Variants in PLCL2 observed in about 807,000 individuals in gnomAD.
The protein encoded by PLCL2 is inactive phospholipase C-like protein 2.
A neutral mutation model predicts 79.6 loss-of-function variants in PLCL2; 4 were observed. The observed-to-expected ratio is 0.05, with a 90% CI of 0.02 to 0.11. PLCL2 has a LOEUF of 0.11. Among genes scored for constraint, PLCL2 ranks in the 10% least tolerant of loss-of-function variants. The pLI, the probability that PLCL2 is intolerant of heterozygous loss-of-function variation, is 1.00. For missense variants in PLCL2, 895 were observed against 1,291.0 expected (o/e 0.69, Z 4.70); for synonymous variants, 484 against 457.7 (o/e 1.06, Z -0.73).
intron 1 of PLCL2, among the ~76,000 whole-genome samples, chr3:16,955,131 G>A (rs13080782): frequency 0.55 from 83,230 of 152,082 alleles, 22,910 homozygotes; most frequent in South Asian, 0.62. Flanking sequence ...TAATGCCTAG[G>A]TTTTCTTCTA....
intron 3 of PLCL2, among the ~76,000 whole-genome samples, chr3:17,034,148 G>T (rs1036128648): frequency 3.9e-5 from 6 of 152,130 alleles, no homozygotes; most frequent in African/African-American, 1.4e-4. Flanking sequence ...GTTTCCTCCA[G>T]GTACACCAGG....
chr3:16,994,950 T>C (rs3924135), intron 1 of PLCL2, among the ~76,000 whole-genome samples: 1,644 of 152,330 alleles, frequency 0.011, 30 homozygotes, highest in Admixed American at 0.046. Context: ...AGAGCTGAGA[T>C]TGGAGAATCT....
intron 1 of PLCL2, among the ~76,000 whole-genome samples, chr3:16,927,256 A>G (rs929513969): frequency 2.6e-5 from 4 of 152,146 alleles, no homozygotes; most frequent in African/African-American, 9.7e-5. Context: ...TTTCTCTTTA[A>G]TTTTTTAATA....
At chr3:17,086,766 A>T (rs186061559) in intron 5 of PLCL2, among the ~76,000 whole-genome samples, 59 of 152,270 alleles carry the variant, frequency 3.9e-4, no homozygotes, top group Non-Finnish European at 7.6e-4. Context: ...AACTGGGCAA[A>T]AGTCTGAGCA....
chr3:16,929,420 A>T (rs1697343604), intron 1 of PLCL2, among the ~76,000 whole-genome samples: 1 of 152,216 alleles, frequency 6.6e-6, no homozygotes, highest in Non-Finnish European at 1.5e-5. Flanking sequence ...GGCAGGAATC[A>T]GAGCTTCCTG....
chr3:17,002,803 C>T (rs1252930267), intron 1 of PLCL2, among the ~76,000 whole-genome samples: 1 of 151,766 alleles, frequency 6.6e-6, no homozygotes, highest in Non-Finnish European at 1.5e-5. Context: ...CTTCTGTTTC[C>T]TTGTATTTTC....
intron 4 of PLCL2, among the ~76,000 whole-genome samples, chr3:17,045,821 C>A (rs1211534573): frequency 6.6e-6 from 1 of 152,172 alleles, no homozygotes; most frequent in South Asian, 2.1e-4. Context: ...GAGAAAGGCT[C>A]CTCGTCTGAG....
At chr3:16,954,422 A>C (rs952631424) in intron 1 of PLCL2, among the ~76,000 whole-genome samples, 2 of 152,048 alleles carry the variant, frequency 1.3e-5, no homozygotes, top group African/African-American at 4.8e-5. Flanking sequence ...AATCCAGTCT[A>C]TCGTTGTTGG....
At chr3:16,960,219 C>G (rs1481721159) in intron 1 of PLCL2, among the ~76,000 whole-genome samples, 1 of 152,184 alleles carries the variant, frequency 6.6e-6, no homozygotes, top group Non-Finnish European at 1.5e-5. Flanking sequence ...AGTGATTTAG[C>G]TGAAAATCAA....
intron 5 of PLCL2, among the ~76,000 whole-genome samples, chr3:17,085,728 C>T (rs1337958180): frequency 5.9e-5 from 9 of 152,146 alleles, no homozygotes; most frequent in Admixed American, 4.6e-4. Context: ...GGATTACAGG[C>T]GTGAGCCACC....
chr3:16,938,891 T>TA (rs545183388), intron 1 of PLCL2, among the ~76,000 whole-genome samples: 1 of 152,222 alleles, frequency 6.6e-6, no homozygotes, highest in Non-Finnish European at 1.5e-5. Flanking sequence ...AATTCAGAAA[T>TA]ATGAAGAAAA....
intron 1 of PLCL2, among the ~76,000 whole-genome samples, chr3:16,977,356 A>T (rs1030985714): frequency 2.0e-5 from 3 of 152,008 alleles, no homozygotes; most frequent in Non-Finnish European, 1.5e-5. Context: ...TTCCCCTCCC[A>T]CAGCCTGAAC....
chr3:17,022,353 A>G (rs1294275494), intron 3 of PLCL2, among the ~76,000 whole-genome samples: 15 of 152,108 alleles, frequency 9.9e-5, no homozygotes, highest in Non-Finnish European at 1.5e-5. Flanking sequence ...TCCACATCGA[A>G]TATTGGATTT....
chr3:16,981,401 A>G (rs1448393290), intron 1 of PLCL2, among the ~76,000 whole-genome samples: 1 of 152,212 alleles, frequency 6.6e-6, no homozygotes, highest in Non-Finnish European at 1.5e-5. Context: ...AGTCAACAGT[A>G]ATCTAATGAC....
intron 1 of PLCL2, among the ~76,000 whole-genome samples, chr3:16,932,296 A>G (rs750170165): frequency 2.6e-5 from 4 of 152,210 alleles, no homozygotes; most frequent in South Asian, 2.1e-4. Context: ...TAACTTTTCA[A>G]TATCTATCTT....
At chr3:16,959,062 C>A (rs549735157) in intron 1 of PLCL2, among the ~76,000 whole-genome samples, 2 of 152,300 alleles carry the variant, frequency 1.3e-5, no homozygotes, top group African/African-American at 4.8e-5. Flanking sequence ...CAACTCTGCT[C>A]CAGTGCTAAC....
intron 1 of PLCL2, among the ~76,000 whole-genome samples, chr3:16,969,807 T>C (rs2063840268): frequency 6.6e-6 from 1 of 152,014 alleles, no homozygotes. Flanking sequence ...CTTGTTTTTC[T>C]AGTTCCTCAA....
chr3:17,081,243 G>A (rs1029678324), intron 5 of PLCL2: 4 of 456,728 alleles, frequency 8.8e-6, no homozygotes, highest in Middle Eastern at 3.3e-4. Context: ...ATAATGGTAT[G>A]AGTACCCTCC....
chr3:17,088,166 C>T (rs78283742), intron 5 of PLCL2, among the ~76,000 whole-genome samples: 2,095 of 152,232 alleles, frequency 0.014, 55 homozygotes, highest in African/African-American at 0.048. Context: ...GGCCTCATGA[C>T]GGTTTAAAAT....
Sources: gnomAD v4.1 joint callset for allele counts (sites outside exome capture counted in the v4.1 genomes callset) on GRCh38, gnomAD v4.1.1 for gene constraint, MANE v1.5 for transcripts, NCBI Gene and HGNC (gene_info 2026-07-23, HGNC 2026-07-21) for gene names.